Variants in ERAP1 observed in about 807,000 individuals in gnomAD.
The protein encoded by ERAP1 is adipocyte-derived leucine aminopeptidase.
A neutral mutation model predicts 103.7 loss-of-function variants in ERAP1; 86 were observed. The observed-to-expected ratio is 0.83, with a 90% CI of 0.70 to 0.99. ERAP1 has a LOEUF of 0.99. ERAP1 is among the 50% of genes least tolerant of loss of function. The probability of loss-of-function intolerance (pLI) is 0.00; values close to 1 mark genes in which losing one functional copy is unlikely to be tolerated. For missense variants in ERAP1, 1,009 were observed against 1,128.4 expected, an observed-to-expected ratio of 0.89 and a Z score of 1.52; for synonymous variants, 398 against 402.4, an observed-to-expected ratio of 0.99 and a Z score of 0.13.
the ERAP1 span, chr5:96,889,495 T>G: frequency 2.8e-6 from 2 of 716,966 alleles, no homozygotes; most frequent in South Asian, 3.2e-5. Context: ...GCCCCAACAG[T>G]GTGGATCATT....
chr5:96,864,967 A>G, the ERAP1 span, among the ~76,000 whole-genome samples: 93 of 152,198 alleles, frequency 6.1e-4, no homozygotes, highest in Admixed American at 2.6e-3. Flanking sequence ...GAAATTGAGC[A>G]GAGAGCTAAA....
intron 13 of ERAP1, chr5:96,785,531 C>T (rs1775878729): frequency 6.5e-6 from 3 of 464,198 alleles, no homozygotes; most frequent in Admixed American, 3.3e-5. Context: ...TGGTTATCTA[C>T]ACTTCCGCCT....
the ERAP1 span, among the ~76,000 whole-genome samples, chr5:96,848,232 G>T: frequency 6.6e-6 from 1 of 152,056 alleles, no homozygotes; most frequent in African/African-American, 2.4e-5. Flanking sequence ...TTTATTTTTA[G>T]TAGAGATGGG....
At chr5:96,849,777 C>T in the ERAP1 span, among the ~76,000 whole-genome samples, 1 of 152,140 alleles carries the variant, frequency 6.6e-6, no homozygotes. Flanking sequence ...TCTCACAGAA[C>T]CACAAAAGAC....
At chr5:96,875,552 A>G in the ERAP1 span, among the ~76,000 whole-genome samples, 1 of 151,954 alleles carries the variant, frequency 6.6e-6, no homozygotes, top group Admixed American at 6.6e-5. Context: ...AAAAAAAAGA[A>G]AAGAAAAGGA....
Position 96,776,513 on chromosome 5 carries a change from A to G in ERAP1, c.2709T>C (p.Ser903=), listed in dbSNP as rs1341660426. The G allele has an allele frequency of 6.2e-7, 1 of 1,614,166 alleles. No homozygotes were observed. Among genetic ancestry groups the G allele is most frequent in the South Asian group, 1.1e-5 (1 of 91,082 alleles). The change falls in exon 19 of 19, where the codon TCT becomes TCC. Residue 903 remains serine (S), a synonymous_variant. Transcript: ENST00000443439. ...TTGTCTGTTGGACACAACGGAGCTG[A>G]GAACCATTTTCTTTCAAAGAGCTGA... ...GFFSSLKENG[S]QLRCVQQTIE...
chr5:96,929,702 C>T, the ERAP1 span, among the ~76,000 whole-genome samples: 66 of 152,124 alleles, frequency 4.3e-4, 2 homozygotes. Context: ...GGGTGATGGC[C>T]ATTCATATTT....
chr5:96,925,562 G>T, the ERAP1 span, among the ~76,000 whole-genome samples: 2 of 152,230 alleles, frequency 1.3e-5, no homozygotes, highest in African/African-American at 4.8e-5. Context: ...ACTTGATAAA[G>T]ATGCAGATTT....
chr5:96,795,042 C>G lies in ERAP1; in HGVS notation c.919G>C (p.Asp307His). 1.2e-6 allele frequency: 2 copies of G among 1,613,866 alleles called. No individual in the cohort carries two copies. The highest frequency in any genetic ancestry group is 1.7e-6 in the Non-Finnish European group (2 of 1,179,922). The change falls in exon 5 of 19, where the codon GAT (aspartate) becomes CAT (histidine). Residue 307 changes from aspartate to histidine, a missense_variant and splice_region_variant. By Grantham distance (81) the Asp-to-His change is moderately conservative. This residue lies in a region of ERAP1 where 392 missense variants were observed against 455.2 expected (regional missense o/e 0.86). Transcript: ENST00000443439. ...TGTAATATCTGTGCAAAATCTCTAC[C>G]TTGTTTGGGTAGGGGATACGGTATG... ...FSIPYPLPKQ[D>H]LAAIPDFQSG... is the part of the protein sequence containing the mutation.
chr5:96,911,279 A>T, the ERAP1 span, among the ~76,000 whole-genome samples: 1 of 152,242 alleles, frequency 6.6e-6, no homozygotes, highest in Non-Finnish European at 1.5e-5. Flanking sequence ...TCACTTTGTG[A>T]CAAATGCAAA....
chr5:96,919,910 T>C, the ERAP1 span, among the ~76,000 whole-genome samples: 4 of 152,190 alleles, frequency 2.6e-5, no homozygotes, highest in African/African-American at 9.7e-5. Flanking sequence ...ACAAGGCCCA[T>C]TGAGAATTAT....
the ERAP1 span, among the ~76,000 whole-genome samples, chr5:96,865,938 A>G: frequency 2.0e-5 from 3 of 152,226 alleles, no homozygotes; most frequent in Non-Finnish European, 2.9e-5. Context: ...ACCCAGACTG[A>G]CAAAAATTAG....
At chr5:96,849,043 A>G in the ERAP1 span, among the ~76,000 whole-genome samples, 5 of 152,224 alleles carry the variant, frequency 3.3e-5, no homozygotes, top group Non-Finnish European at 5.9e-5. Flanking sequence ...CCATCACAAT[A>G]GATGCAAAAA....
At chr5:96,782,617 T>C (rs989063157) in intron 15 of ERAP1, among the ~76,000 whole-genome samples, 4 of 152,176 alleles carry the variant, frequency 2.6e-5, no homozygotes, top group Non-Finnish European at 4.4e-5. Flanking sequence ...TAAAAAGGAC[T>C]GAAGTGTAGC....
intron 5 of ERAP1, among the ~76,000 whole-genome samples, chr5:96,794,498 C>A (rs143842755): frequency 6.6e-6 from 1 of 152,186 alleles, no homozygotes; most frequent in Non-Finnish European, 1.5e-5. Context: ...CCTTTTCAGG[C>A]CTCTTGACTC....
At chr5:96,770,212 C>T (rs1008198904), downstream of ERAP1, 2 of 307,662 alleles carry the variant, frequency 6.5e-6, no homozygotes, top group East Asian at 6.7e-5. Context: ...CTTTTCTCCA[C>T]ACCCTTGCCG....
exon 20 of ERAP1, chr5:96,762,635 G>A (rs923755877): frequency 5.4e-5 from 21 of 386,258 alleles, no homozygotes; most frequent in Non-Finnish European, 8.7e-5. Flanking sequence ...AGAATTGAAA[G>A]TGCAATAAAG....
chr5:96,840,336 A>G, the ERAP1 span, among the ~76,000 whole-genome samples: 1 of 152,212 alleles, frequency 6.6e-6, no homozygotes, highest in Non-Finnish European at 1.5e-5. Flanking sequence ...CTCCCCAGGG[A>G]GTAAAATCGT....
At chr5:96,785,997 T>A in intron 12 of ERAP1, 26 bp from the exon 13 acceptor site, 2 of 1,610,006 alleles carry the variant, frequency 1.2e-6, no homozygotes, top group Non-Finnish European at 1.7e-6. Flanking sequence ...TAAATCAAAG[T>A]TCCATTTGCT....
Sources: allele counts gnomAD v4.1 joint callset (sites outside exome capture counted in the v4.1 genomes callset), GRCh38; gene constraint gnomAD v4.1.1; regional missense constraint gnomAD v4.1.1; transcripts MANE v1.5; gene names NCBI Gene and HGNC (gene_info 2026-07-23, HGNC 2026-07-21).